Variants in FBXO39 observed in about 807,000 individuals in gnomAD.
The protein encoded by FBXO39 is F-box protein 39.
Under a neutral mutation model 36.6 loss-of-function variants are expected in FBXO39, and 22 were observed. The observed-to-expected ratio is 0.60, with a 90% CI of 0.43 to 0.86. The LOEUF (loss-of-function observed/expected upper bound fraction) is 0.86, where lower values mean the gene tolerates loss of function less well. FBXO39 is among the 40% of genes least tolerant of loss of function. The pLI is 0.00. For synonymous variants in FBXO39, 206 were observed against 205.8 expected (o/e 1.00, Z -0.01); for missense variants, 536 against 543.9 (o/e 0.99, Z 0.14).
rs1197910422 is a variant in FBXO39, at chr17:6,780,682, T to A, written c.814T>A (p.Ser272Thr). The A allele has an allele frequency of 6.2e-7, 1 of 1,614,162 alleles. No homozygotes were observed. The highest frequency in any genetic ancestry group is 1.1e-5 in the South Asian group (1 of 91,090). Residue 272 changes from serine to threonine, a missense_variant, in exon 2 of 4, where the codon TCC (serine) becomes ACC (threonine). Physicochemically the swap from Ser to Thr is moderately conservative, Grantham distance 58. Transcript: ENST00000321535. ...CCACGGACAGGTCATCTGGGGTATG[T>A]CCTGGGCCAAGCTGGCCAGGCAGGC... ...DPHGQVIWGMSWAKLARQATN... is the reference protein window; with the variant it reads ...DPHGQVIWGMTWAKLARQATN...
At chr17:6,776,712 G>A (rs1415815311) in intron 1 of FBXO39, among the ~76,000 whole-genome samples, 6 of 152,128 alleles carry the variant, frequency 3.9e-5, no homozygotes, top group Non-Finnish European at 8.8e-5. Flanking sequence ...CTTGTATAGC[G>A]TTTACTACGT....
chr17:6,786,958 T>A lies in FBXO39; in HGVS notation c.1200+2T>A. 6.2e-7 allele frequency: 1 copy of A among 1,610,882 alleles called. No homozygotes were observed. Among genetic ancestry groups the A allele is most frequent in the Non-Finnish European group, 8.5e-7 (1 of 1,178,396 alleles). On this transcript the variant is annotated splice_donor_variant, in intron 3 of 3. Transcript: ENST00000321535. LOFTEE classifies it high-confidence loss of function. ...CAGTGTGCCCTGCGTGTATTCAAGG[T>A]AAGAGGTCCCCAGGCTGGTTCCACG...
chr17:6,778,719 C>T (rs1463957675), intron 1 of FBXO39, among the ~76,000 whole-genome samples: 1 of 152,104 alleles, frequency 6.6e-6, no homozygotes, highest in African/African-American at 2.4e-5. Flanking sequence ...GCAAATGAAA[C>T]TTTGAAAGCA....
chr17:6,787,214 TGTA>T, intron 3 of FBXO39, 83 bp from the exon 4 acceptor site: 1 of 1,515,208 alleles, frequency 6.6e-7, no homozygotes, highest in Non-Finnish European at 8.9e-7. Context: ...CCCTGAAAAG[TGTA>T]GTCACCGTGT....
intron 1 of FBXO39, among the ~76,000 whole-genome samples, chr17:6,778,567 AG>A (rs1223966239): frequency 2.6e-5 from 4 of 152,286 alleles, no homozygotes; most frequent in Admixed American, 2.6e-4. Flanking sequence ...GTCTCTTTCC[AG>A]CACCACAATT....
At position 6,776,272 on chromosome 17, in the gene FBXO39, G is replaced by C. The variant is rs1976406825; in HGVS notation, c.-81G>C. ...GAGCAACAGCTGCGCGGGCGGAGCA[G>C]GTAGGCGCGCTCCAGTCCCTGCAGC... is the stretch of plus-strand genomic sequence containing the variant. On this transcript the variant is annotated splice_region_variant and 5_prime_UTR_variant, in exon 1 of 4. Transcript: ENST00000321535. The C allele has an allele frequency of 6.6e-6, 1 of 152,602 alleles. No individual in the cohort carries two copies. The highest frequency in any genetic ancestry group is 1.5e-5 in the Non-Finnish European group (1 of 68,348). 9.5% of individuals were successfully genotyped at this position (152,602 alleles called of 1,614,324 possible). A position where few individuals can be genotyped will look rare whatever the true frequency, so the allele number is the denominator to read the frequency against.
chr17:6,785,440 A>G (rs1280861025), intron 2 of FBXO39, among the ~76,000 whole-genome samples: 1 of 150,436 alleles, frequency 6.6e-6, no homozygotes, highest in African/African-American at 2.5e-5. Flanking sequence ...CTGGGCAAAG[A>G]CTTCTTGAGC....
intron 1 of FBXO39, among the ~76,000 whole-genome samples, chr17:6,777,701 CAGA>C (rs1194286272): frequency 6.6e-6 from 1 of 152,100 alleles, no homozygotes; most frequent in African/African-American, 2.4e-5. Context: ...TTCTCAAAAG[CAGA>C]AGGAGGTTGT....
chr17:6,779,909 G>T lies in FBXO39; in HGVS notation c.41G>T (p.Ser14Ile), dbSNP rs749711767. Residue 14 changes from serine (S) to isoleucine (I), a missense_variant, in exon 2 of 4, where the codon AGC becomes ATC. Ser to Ile is a moderately radical substitution (Grantham distance 142). Transcript: ENST00000321535. ...ESELIQPQDQ[S>I]CWAFLPDLCL... is the part of the protein sequence containing the mutation. ...GAACTGATCCAGCCCCAAGACCAGA[G>T]CTGCTGGGCCTTTCTGCCCGATTTG... 1.9e-6 allele frequency: 3 copies of T among 1,614,206 alleles called. No individual in the cohort carries two copies. In the African/African-American group the frequency reaches 4.0e-5, roughly 22 times the overall value.
At chr17:6,776,929 G>T (rs1391704792) in intron 1 of FBXO39, among the ~76,000 whole-genome samples, 1 of 151,932 alleles carries the variant, frequency 6.6e-6, no homozygotes, top group Admixed American at 6.6e-5. Flanking sequence ...GTCTCGGGGG[G>T]TAAGGGGAGG....
At chr17:6,781,559 C>T (rs151236265) in intron 2 of FBXO39, among the ~76,000 whole-genome samples, 2 of 152,246 alleles carry the variant, frequency 1.3e-5, no homozygotes, top group South Asian at 4.2e-4. Context: ...TCATTAGGTA[C>T]CCACATAAAC....
chr17:6,781,903 TC>T (rs1408102491), intron 2 of FBXO39, among the ~76,000 whole-genome samples: 1 of 152,140 alleles, frequency 6.6e-6, no homozygotes, highest in African/African-American at 2.4e-5. Context: ...TAAGAAATCA[TC>T]TGAAGGTACA....
intron 1 of FBXO39, among the ~76,000 whole-genome samples, chr17:6,778,728 CA>C (rs918354415): frequency 1.3e-5 from 2 of 152,182 alleles, no homozygotes; most frequent in South Asian, 4.2e-4. Flanking sequence ...ACTTTGAAAG[CA>C]AAAAACTGTA....
chr17:6,776,499 G>C (rs1012354283), intron 1 of FBXO39, among the ~76,000 whole-genome samples: 3 of 152,132 alleles, frequency 2.0e-5, no homozygotes, highest in Non-Finnish European at 4.4e-5. Context: ...CTCCCTGGTT[G>C]GCAGCTGTGT....
chr17:6,787,092 G>A, intron 3 of FBXO39, 136 bp downstream of exon 3: 1 of 1,321,352 alleles, frequency 7.6e-7, no homozygotes, highest in Non-Finnish European at 1.0e-6. Context: ...TTTCAAAGAA[G>A]GGAATCTGGA....
chr17:6,776,800 T>C (rs745784982), intron 1 of FBXO39, among the ~76,000 whole-genome samples: 3 of 152,068 alleles, frequency 2.0e-5, no homozygotes, highest in Non-Finnish European at 4.4e-5. Flanking sequence ...AAGGCACTAT[T>C]ATTACCCCAT....
intron 2 of FBXO39, among the ~76,000 whole-genome samples, chr17:6,785,002 C>T (rs1461171483): frequency 6.7e-6 from 1 of 149,902 alleles, no homozygotes. Context: ...TAAAGCTGTC[C>T]TGACCAAAAA....
chr17:6,778,103 A>G (rs1313464270), intron 1 of FBXO39, among the ~76,000 whole-genome samples: 3 of 152,214 alleles, frequency 2.0e-5, no homozygotes, highest in African/African-American at 7.2e-5. Flanking sequence ...AGGATGGGAG[A>G]CAGGCAGGAT....
chr17:6,782,327 A>G (rs185564955), intron 2 of FBXO39, among the ~76,000 whole-genome samples: 32 of 152,252 alleles, frequency 2.1e-4, no homozygotes, highest in African/African-American at 7.7e-4. Flanking sequence ...AGAGAAAATC[A>G]CCTTCCCTAA....
Sources: allele counts gnomAD v4.1 joint callset (sites outside exome capture counted in the v4.1 genomes callset), GRCh38; gene constraint gnomAD v4.1.1; transcripts MANE v1.5; gene names NCBI Gene and HGNC (gene_info 2026-07-23, HGNC 2026-07-21).